The following KLHL32 variants were observed in gnomAD, a reference collection of about 807,000 sequenced individuals.
KLHL32 encodes kelch like family member 32, also known as kelch-like protein 32.
KLHL32 carries 35 observed loss-of-function variants against 64.8 expected under a neutral mutation model. That is an observed-to-expected ratio of 0.54 (90% CI 0.41 to 0.72). The LOEUF (loss-of-function observed/expected upper bound fraction) is 0.72, where lower values mean the gene tolerates loss of function less well. Among genes scored for constraint, KLHL32 ranks in the 30% least tolerant of loss-of-function variants. The pLI is 0.00. For missense variants in KLHL32, 589 were observed against 768.5 expected, an observed-to-expected ratio of 0.77 and a Z score of 2.76; for synonymous variants, 259 against 281.0, an observed-to-expected ratio of 0.92 and a Z score of 0.78.
At position 97,108,875 on chromosome 6, in the gene KLHL32, G is replaced by A. The variant is rs563702222; in HGVS notation, c.628-4908G>A. ...ACTTAAGCATTACTTCAACTTCACT[G>A]GATTTATACCTGCTTAAATTTAAAA... On this transcript the variant is annotated intron_variant, in intron 6 of 10. Coordinates refer to ENST00000369261, the MANE Select transcript of KLHL32 (RefSeq NM_052904.4). Among the ~76,000 whole-genome samples, 16 of 152,026 alleles carry A rather than the reference G, an allele frequency of 1.1e-4. No individual in the cohort carries two copies. In the South Asian group the frequency reaches 3.3e-3, roughly 32 times the overall value.
chr6:97,004,983 A>C (rs138615324), intron 3 of KLHL32, among the ~76,000 whole-genome samples: 2 of 151,696 alleles, frequency 1.3e-5, no homozygotes, highest in East Asian at 1.9e-4. Context: ...TATCAGGATG[A>C]TGCTGCTCTC....
intron 7 of KLHL32, among the ~76,000 whole-genome samples, chr6:97,124,286 A>G (rs1798664974): frequency 6.6e-6 from 1 of 152,234 alleles, no homozygotes; most frequent in African/African-American, 2.4e-5. Flanking sequence ...TATTAATATC[A>G]AATAACTGGG....
chr6:97,001,987 G>C (rs1432432635), intron 3 of KLHL32, among the ~76,000 whole-genome samples: 1 of 152,190 alleles, frequency 6.6e-6, no homozygotes, highest in African/African-American at 2.4e-5. Flanking sequence ...TAGATAGATA[G>C]ATAGATAACT....
At chr6:97,124,981 AGT>A (rs1798729217) in intron 7 of KLHL32, among the ~76,000 whole-genome samples, 1 of 152,172 alleles carries the variant, frequency 6.6e-6, no homozygotes, top group African/African-American at 2.4e-5. Flanking sequence ...AGCTTTCTTA[AGT>A]GTGTTTTCCT....
At chr6:97,116,891 A>G (rs1438603010) in intron 7 of KLHL32, among the ~76,000 whole-genome samples, 1 of 152,126 alleles carries the variant, frequency 6.6e-6, no homozygotes, top group Non-Finnish European at 1.5e-5. Context: ...CTTCTTTTGC[A>G]CTAATATATG....
At chr6:97,027,803 C>G (rs561902793) in intron 3 of KLHL32, among the ~76,000 whole-genome samples, 18 of 152,324 alleles carry the variant, frequency 1.2e-4, no homozygotes, top group African/African-American at 4.1e-4. Flanking sequence ...TACAAAACTT[C>G]GAGCATTGGC....
intron 5 of KLHL32, among the ~76,000 whole-genome samples, chr6:97,068,702 G>A (rs949275936): frequency 1.3e-5 from 2 of 152,152 alleles, no homozygotes; most frequent in African/African-American, 2.4e-5. Flanking sequence ...ATGACTCTAA[G>A]GTTTTACAAA....
At chr6:96,971,597 G>T (rs1378841969) in intron 2 of KLHL32, among the ~76,000 whole-genome samples, 1 of 152,038 alleles carries the variant, frequency 6.6e-6, no homozygotes, top group Admixed American at 6.6e-5. Flanking sequence ...ATTACTAAAA[G>T]GTCATCTTAC....
chr6:97,078,920 C>A (rs867652238), intron 5 of KLHL32, among the ~76,000 whole-genome samples: 4 of 152,150 alleles, frequency 2.6e-5, no homozygotes, highest in Non-Finnish European at 5.9e-5. Flanking sequence ...AGCCAGGGAG[C>A]CACGGCGGTA....
intron 1 of KLHL32, among the ~76,000 whole-genome samples, chr6:96,952,937 A>G (rs762241050): frequency 1.3e-4 from 20 of 152,134 alleles, no homozygotes; most frequent in Admixed American, 2.6e-4. Flanking sequence ...AGGATTGTTT[A>G]CCACAACCCT....
rs550132937 is a variant in KLHL32 at position 97,081,219 on chromosome 6, G to T, written c.412-3907G>T. Among the ~76,000 whole-genome samples, 3 of 152,154 alleles carry T rather than the reference G, an allele frequency of 2.0e-5. No individual in the cohort carries two copies. The South Asian group carries it at 6.2e-4, about 32-fold the overall frequency. On this transcript the variant is annotated intron_variant, in intron 5 of 10. Coordinates refer to ENST00000369261, the MANE Select transcript of KLHL32 (RefSeq NM_052904.4). ...TTATAGTGGTATCTGCAGGAAGGAA[G>T]TGGGCAAAGCAGGGTTAGCAGGCTT...
At chr6:96,988,346 T>G (rs1777384269) in intron 3 of KLHL32, among the ~76,000 whole-genome samples, 1 of 151,942 alleles carries the variant, frequency 6.6e-6, no homozygotes, top group African/African-American at 2.4e-5. Flanking sequence ...AAAAGACACA[T>G]GAAAAAATGC....
At chr6:97,057,040 T>C (rs1297443731) in intron 4 of KLHL32, among the ~76,000 whole-genome samples, 2 of 152,170 alleles carry the variant, frequency 1.3e-5, no homozygotes, top group Non-Finnish European at 2.9e-5. Context: ...TCACAACATA[T>C]TATTCATCTT....
intron 1 of KLHL32, among the ~76,000 whole-genome samples, chr6:96,958,683 A>T (rs1211160170): frequency 6.9e-6 from 1 of 145,532 alleles, no homozygotes; most frequent in Non-Finnish European, 1.5e-5. Flanking sequence ...GTATCCAGTT[A>T]TCTTGGCTAG....
chr6:97,046,835 G>A (rs1786003919), intron 4 of KLHL32, among the ~76,000 whole-genome samples: 1 of 152,064 alleles, frequency 6.6e-6, no homozygotes, highest in South Asian at 2.1e-4. Context: ...TTAGTATTAG[G>A]GACATTCACT....
In KLHL32 at chr6:96,946,949, CAGT is replaced by C. The variant is rs200576405; in HGVS notation, c.-65-20046_-65-20044del. Among the ~76,000 whole-genome samples, 1,253 of 152,046 alleles carry C rather than the reference CAGT, an allele frequency of 8.2e-3. 6 individuals carry two copies. Among genetic ancestry groups the C allele is most frequent in the African/African-American group, 0.014 (588 of 41,358 alleles). On this transcript the variant is annotated intron_variant, in intron 1 of 10. Transcript: ENST00000369261. ...ATATTGGGTTCTATATACTTATTAA[CAGT>C]GGGCACATATTTAATTCTAAACTTC...
chr6:96,939,522 G>T (rs1371326572), intron 1 of KLHL32, among the ~76,000 whole-genome samples: 1 of 152,176 alleles, frequency 6.6e-6, no homozygotes, highest in East Asian at 1.9e-4. Flanking sequence ...TGCTCTGGAG[G>T]TTGATGAGGA....
chr6:97,035,420 C>T (rs577944905), intron 3 of KLHL32, among the ~76,000 whole-genome samples: 2 of 152,108 alleles, frequency 1.3e-5, no homozygotes, highest in Admixed American at 6.5e-5. Flanking sequence ...TTTAATTTTG[C>T]CAGTGAGATT....
At chr6:97,099,618 T>C (rs963621391) in intron 6 of KLHL32, among the ~76,000 whole-genome samples, 8 of 152,210 alleles carry the variant, frequency 5.3e-5, no homozygotes, top group Admixed American at 2.0e-4. Context: ...AGGCGGCTGG[T>C]TCTCCACCAC....
Sources: allele counts gnomAD v4.1 joint callset (sites outside exome capture counted in the v4.1 genomes callset), GRCh38; gene constraint gnomAD v4.1.1; transcripts MANE v1.5; gene names NCBI Gene and HGNC (gene_info 2026-07-23, HGNC 2026-07-21).